Variants in TMEM120B observed in about 807,000 individuals in gnomAD.
TMEM120B encodes the protein transmembrane protein 120B.
Under a neutral mutation model 55.5 loss-of-function variants are expected in TMEM120B, and 31 were observed. The ratio of observed to expected loss-of-function variants is 0.56; its 90% confidence interval spans 0.42 to 0.75. The LOEUF (loss-of-function observed/expected upper bound fraction) is 0.75, where lower values mean the gene tolerates loss of function less well. TMEM120B is among the 30% of genes least tolerant of loss of function. TMEM120B has a pLI of 0.00. For synonymous variants in TMEM120B, 203 were observed against 176.3 expected, an observed-to-expected ratio of 1.15 and a Z score of -1.20; for missense variants, 399 against 425.5, an observed-to-expected ratio of 0.94 and a Z score of 0.55.
Position 121,774,686 on chromosome 12 carries a change from C to T in TMEM120B, c.801C>T (p.Gly267=). 6.2e-7 allele frequency: 1 copy of T among 1,613,720 alleles called. No homozygotes were observed. Among genetic ancestry groups the T allele is most frequent in the Non-Finnish European group, 8.5e-7 (1 of 1,179,836 alleles). ...GGTTCCAGTCCTGGATGTGGCGGGG[C>T]CTCACCTTTCTCCTGCCCTTCCTCT... ...VEGFQSWMWR[G]LTFLLPFLFC... The change falls in exon 10 of 12, where the codon GGC becomes GGT. Residue 267 remains glycine (G), a synonymous_variant. Transcript: ENST00000449592.
intron 1 of TMEM120B, among the ~76,000 whole-genome samples, chr12:121,739,480 CT>C (rs964314614): frequency 9.1e-5 from 10 of 109,620 alleles, no homozygotes; most frequent in African/African-American, 2.9e-4. Context: ...TATGTAACTT[CT>C]TTTTTTTTTG....
intron 5 of TMEM120B, 52 bp downstream of exon 5, chr12:121,752,275 G>A (rs370987634): frequency 6.6e-6 from 10 of 1,514,960 alleles, no homozygotes; most frequent in Non-Finnish European, 9.2e-6. Context: ...ACGTCAGGTG[G>A]GGGCCGGGAG....
intron 6 of TMEM120B, among the ~76,000 whole-genome samples, chr12:121,767,274 C>T (rs988508777): frequency 1.3e-5 from 2 of 152,212 alleles, no homozygotes; most frequent in Non-Finnish European, 2.9e-5. Flanking sequence ...CATTCTCCTG[C>T]CTCAACCTCC....
At chr12:121,766,578 T>C (rs922867233) in intron 6 of TMEM120B, among the ~76,000 whole-genome samples, 25 of 152,258 alleles carry the variant, frequency 1.6e-4, no homozygotes, top group Non-Finnish European at 2.9e-4. Context: ...TTGGCCAGGC[T>C]TGGGTGACCT....
intron 5 of TMEM120B, among the ~76,000 whole-genome samples, chr12:121,754,780 G>A (rs1187464402): frequency 6.6e-6 from 1 of 152,204 alleles, no homozygotes; most frequent in African/African-American, 2.4e-5. Context: ...CCCAGTGGAC[G>A]TGAATTTTGG....
At chr12:121,766,629 A>T (rs544554220) in intron 6 of TMEM120B, among the ~76,000 whole-genome samples, 27 of 152,272 alleles carry the variant, frequency 1.8e-4, no homozygotes, top group African/African-American at 6.3e-4. Context: ...AGAGGACTGC[A>T]GAGGGTCCTG....
At chr12:121,714,457 A>G (rs1894657518) in intron 1 of TMEM120B, among the ~76,000 whole-genome samples, 1 of 148,156 alleles carries the variant, frequency 6.7e-6, no homozygotes, top group Admixed American at 6.8e-5. Context: ...GGGTTTCACT[A>G]TGTTGGCCAG....
chr12:121,722,848 CT>C (rs34271702), intron 1 of TMEM120B, among the ~76,000 whole-genome samples: 53,426 of 132,812 alleles, frequency 0.4, 10,593 homozygotes, highest in African/African-American at 0.54. Context: ...TTTAAATTTA[CT>C]TTTTTTTTTT....
At chr12:121,767,534 C>T (rs1316353497) in intron 6 of TMEM120B, among the ~76,000 whole-genome samples, 1 of 152,154 alleles carries the variant, frequency 6.6e-6, no homozygotes, top group Non-Finnish European at 1.5e-5. Context: ...TTTCTTTCTG[C>T]AATGATAAAA....
At chr12:121,718,452 G>C (rs902430197) in intron 1 of TMEM120B, among the ~76,000 whole-genome samples, 1 of 152,190 alleles carries the variant, frequency 6.6e-6, no homozygotes, top group Non-Finnish European at 1.5e-5. Flanking sequence ...GTTGCAGTGA[G>C]CCAAGATCGT....
intron 8 of TMEM120B, 89 bp downstream of exon 8, chr12:121,771,638 C>T: frequency 7.5e-7 from 1 of 1,340,308 alleles, no homozygotes; most frequent in East Asian, 2.3e-5. Flanking sequence ...TCAATCAGTG[C>T]TTGCCTGTGT....
intron 2 of TMEM120B, among the ~76,000 whole-genome samples, chr12:121,745,300 C>T (rs1326128977): frequency 6.6e-6 from 1 of 152,178 alleles, no homozygotes; most frequent in African/African-American, 2.4e-5. Flanking sequence ...CATGATTGGT[C>T]GACTGCTTAT....
chr12:121,757,940 A>C (rs1364159313), intron 5 of TMEM120B, among the ~76,000 whole-genome samples: 3 of 152,344 alleles, frequency 2.0e-5, no homozygotes, highest in South Asian at 2.1e-4. Context: ...GGCGCAAGCC[A>C]CTGTGCCCAG....
At chr12:121,771,113 GC>G in intron 7 of TMEM120B, 141 bp downstream of exon 7, 2 of 920,364 alleles carry the variant, frequency 2.2e-6, no homozygotes, top group South Asian at 2.9e-5. Flanking sequence ...GCCTGCAGCT[GC>G]GCCGGGCTGC....
intron 1 of TMEM120B, among the ~76,000 whole-genome samples, chr12:121,740,335 T>G (rs1210914534): frequency 6.6e-6 from 1 of 151,342 alleles, no homozygotes; most frequent in Non-Finnish European, 1.5e-5. Context: ...AAATACAAAA[T>G]TAGCCAGGCG....
At chr12:121,771,360 G>A (rs915114616) in intron 7 of TMEM120B, 128 bp from the exon 8 acceptor site, 20 of 810,512 alleles carry the variant, frequency 2.5e-5, no homozygotes, top group African/African-American at 1.5e-4. Flanking sequence ...ATAGAAGGGC[G>A]GAAGTCTGGA....
At chr12:121,716,565 C>CTTTTTT (rs56037685) in intron 1 of TMEM120B, among the ~76,000 whole-genome samples, 2 of 124,798 alleles carry the variant, frequency 1.6e-5, no homozygotes, top group African/African-American at 3.1e-5. Context: ...TTTTTTCTTT[C>CTTTTTT]TTTTTTTTTT....
intron 5 of TMEM120B, 148 bp from the exon 6 acceptor site, chr12:121,761,501 C>T: frequency 1.7e-6 from 1 of 590,896 alleles, no homozygotes; most frequent in East Asian, 2.9e-5. Flanking sequence ...CAAGCTCCCC[C>T]TGCCTCCCTG....
At chr12:121,713,217 C>G (rs1042045533) in intron 1 of TMEM120B, among the ~76,000 whole-genome samples, 1 of 152,196 alleles carries the variant, frequency 6.6e-6, no homozygotes, top group South Asian at 2.1e-4. Flanking sequence ...CCACGCACCC[C>G]CTTCGCTGCA....
Sources: gnomAD v4.1 joint callset for allele counts (sites outside exome capture counted in the v4.1 genomes callset) on GRCh38, gnomAD v4.1.1 for gene constraint, MANE v1.5 for transcripts, NCBI Gene and HGNC (gene_info 2026-07-23, HGNC 2026-07-21) for gene names.